NPTN: variants seen among roughly 807,000 people sequenced by gnomAD.
NPTN encodes the protein neuroplastin.
In NPTN, 5 loss-of-function variants were observed where a neutral mutation model predicts 42.7. That is an observed-to-expected ratio of 0.12 (90% CI 0.06 to 0.25). The LOEUF (loss-of-function observed/expected upper bound fraction) is 0.25. NPTN is among the 10% of genes least tolerant of loss of function. The pLI, the probability that NPTN is intolerant of heterozygous loss-of-function variation, is 1.00. For synonymous variants in NPTN, 180 were observed against 201.9 expected (o/e 0.89, Z 0.92); for missense variants, 307 against 525.4 (o/e 0.58, Z 4.06).
At chr15:73,611,343 A>G (rs1897570153) in intron 1 of NPTN, among the ~76,000 whole-genome samples, 1 of 152,212 alleles carries the variant, frequency 6.6e-6, no homozygotes. Context: ...TATCAAGAAC[A>G]TTTTCTTAAA....
chr15:73,623,337 T>C (rs764221495), intron 1 of NPTN, among the ~76,000 whole-genome samples: 4 of 152,238 alleles, frequency 2.6e-5, no homozygotes, highest in Non-Finnish European at 5.9e-5. Context: ...ACCATTTTAC[T>C]TGGATTCATA....
chr15:73,598,779 A>T (rs1896944905), intron 1 of NPTN, among the ~76,000 whole-genome samples: 1 of 152,240 alleles, frequency 6.6e-6, no homozygotes, highest in African/African-American at 2.4e-5. Context: ...AGGATGAAAT[A>T]AATGGAACTG....
At chr15:73,563,205 C>T in intron 7 of NPTN, 31 bp downstream of exon 7, 1 of 1,372,908 alleles carries the variant, frequency 7.3e-7, no homozygotes, top group Non-Finnish European at 1.0e-6. Flanking sequence ...CAATCAGATA[C>T]TGTTGAATCA....
At chr15:73,608,855 AG>A (rs1355743444) in intron 1 of NPTN, among the ~76,000 whole-genome samples, 1 of 152,246 alleles carries the variant, frequency 6.6e-6, no homozygotes, top group African/African-American at 2.4e-5. Flanking sequence ...TGGGGTGGGC[AG>A]TGATACTATA....
intron 5 of NPTN, among the ~76,000 whole-genome samples, chr15:73,572,188 A>T (rs1165526116): frequency 1.3e-5 from 2 of 152,206 alleles, no homozygotes; most frequent in African/African-American, 2.4e-5. Flanking sequence ...CTTGAAATTT[A>T]AAAAAACTAG....
At position 73,570,505 on chromosome 15, in the gene NPTN, T is replaced by C; in HGVS notation, c.841-82A>G. On this transcript the variant is annotated intron_variant, in intron 5 of 8. Transcript: ENST00000345330. The surrounding 1 kb of genome is among the most constrained non-coding windows in gnomAD (Gnocchi z 4.0). The stretch of plus-strand genomic sequence containing the variant: ...GAGAGGGTGACACTGCTCTCCGTTC[T>C]TTTTAGGCACCAGCCAGAATGAGGA... 7.7e-7 allele frequency: 1 copy of C among 1,297,708 alleles called. No homozygotes were observed. Among genetic ancestry groups the C allele is most frequent in the Non-Finnish European group, 1.1e-6 (1 of 924,128 alleles). 80.4% of individuals were successfully genotyped at this position (1,297,708 alleles called of 1,614,324 possible). A position where few individuals can be genotyped will look rare whatever the true frequency, so the allele number is the denominator to read the frequency against.
intron 1 of NPTN, among the ~76,000 whole-genome samples, chr15:73,617,656 GACAA>G (rs1476473587): frequency 2.0e-5 from 3 of 152,242 alleles, no homozygotes; most frequent in African/African-American, 4.8e-5. Context: ...TTCTTTCTGT[GACAA>G]ACAGATAGTG....
chr15:73,564,538 G>A (rs1894869034), intron 6 of NPTN, among the ~76,000 whole-genome samples: 1 of 152,132 alleles, frequency 6.6e-6, no homozygotes, highest in Non-Finnish European at 1.5e-5. Context: ...ATAGGCTAGC[G>A]ACACACTAGT....
At chr15:73,567,076 A>G in intron 6 of NPTN, 2 of 979,466 alleles carry the variant, frequency 2.0e-6, no homozygotes, top group Non-Finnish European at 2.4e-6. Flanking sequence ...AGAAATCTAA[A>G]TATTTGATTT....
intron 3 of NPTN, 107 bp downstream of exon 3, chr15:73,591,859 A>C: frequency 9.1e-7 from 1 of 1,101,142 alleles, no homozygotes; most frequent in Non-Finnish European, 1.3e-6. Context: ...AGGGAGAACC[A>C]AATATATCTC....
intron 1 of NPTN, among the ~76,000 whole-genome samples, chr15:73,626,599 T>A (rs907331571): frequency 1.3e-5 from 2 of 152,194 alleles, no homozygotes; most frequent in African/African-American, 2.4e-5. Flanking sequence ...CATAACAATT[T>A]ATATATGCAA....
chr15:73,583,728 T>A (rs954872343), intron 4 of NPTN, among the ~76,000 whole-genome samples: 1 of 152,212 alleles, frequency 6.6e-6, no homozygotes, highest in African/African-American at 2.4e-5. Flanking sequence ...TGCTTTGACA[T>A]CAGTTCTCAC....
In NPTN at chr15:73,568,569, A is replaced by G. The variant is rs1411477064; in HGVS notation, c.1114+1581T>C. ...GTGCACTCTTGCCTTGGGAGTCCTA[A>G]TATGTAGCAGGAAAGAAATACCTGG... On this transcript the variant is annotated intron_variant, in intron 6 of 8. Transcript: ENST00000345330. 5 of 985,418 alleles carry G rather than the reference A, an allele frequency of 5.1e-6. No homozygotes were observed. In the East Asian group the frequency reaches 5.7e-4, roughly 112 times the overall value. 61.0% of individuals were successfully genotyped at this position (985,418 alleles called of 1,614,324 possible).
At chr15:73,588,069 G>A (rs570635589) in intron 3 of NPTN, among the ~76,000 whole-genome samples, 31 of 152,006 alleles carry the variant, frequency 2.0e-4, no homozygotes, top group African/African-American at 6.3e-4. Context: ...CTGAAACCCC[G>A]TCTCTACTAA....
chr15:73,578,402 A>G (rs1895808884), intron 4 of NPTN, among the ~76,000 whole-genome samples: 1 of 152,082 alleles, frequency 6.6e-6, no homozygotes, highest in Admixed American at 6.6e-5. Flanking sequence ...GGAAATAAGG[A>G]GAAATGGTGA....
At position 73,615,312 on chromosome 15, in the gene NPTN, A is replaced by G. The variant is rs113284725; in HGVS notation, c.91+17813T>C. On this transcript the variant is annotated intron_variant, in intron 1 of 8. Transcript: ENST00000345330. ...AACTAATGTCTCTGAAAGGAAATTC[A>G]TTATAACAGCAGCTAGCCTTTATTG... 3.4e-3 allele frequency among the ~76,000 whole-genome samples: 521 copies of G among 152,328 alleles called. 4 individuals carry two copies. Among genetic ancestry groups the G allele is most frequent in the African/African-American group, 0.012 (501 of 41,572 alleles).
intron 2 of NPTN, among the ~76,000 whole-genome samples, chr15:73,592,403 G>A (rs1277146937): frequency 2.0e-5 from 3 of 152,146 alleles, no homozygotes; most frequent in African/African-American, 7.2e-5. Flanking sequence ...GCTTGTACTG[G>A]TAATAATCCA....
intron 6 of NPTN, chr15:73,568,902 T>C: frequency 1.0e-6 from 1 of 985,512 alleles, no homozygotes; most frequent in South Asian, 4.7e-5. Context: ...GGGAAGGGGC[T>C]GTTGCTCTCA....
intron 1 of NPTN, among the ~76,000 whole-genome samples, chr15:73,620,406 G>A (rs1249873061): frequency 6.6e-6 from 1 of 152,146 alleles, no homozygotes; most frequent in Non-Finnish European, 1.5e-5. Context: ...ATTCTCAATG[G>A]GGGTTGCCCT....
Sources: gnomAD v4.1 joint callset for allele counts (sites outside exome capture counted in the v4.1 genomes callset) on GRCh38, gnomAD v4.1.1 for gene constraint, Gnocchi (gnomAD v3.1) non-coding constraint, MANE v1.5 for transcripts, NCBI Gene and HGNC (gene_info 2026-07-23, HGNC 2026-07-21) for gene names.